Variants in CACNA2D1 observed in about 807,000 individuals in gnomAD.
CACNA2D1 encodes voltage-dependent calcium channel subunit alpha-2/delta-1.
CACNA2D1 carries 53 observed loss-of-function variants against 171.5 expected under a neutral mutation model. That is an observed-to-expected ratio of 0.31 (90% CI 0.25 to 0.39). The LOEUF (loss-of-function observed/expected upper bound fraction) is 0.39, where lower values mean the gene tolerates loss of function less well. CACNA2D1 is among the 10% of genes least tolerant of loss of function. The pLI is 1.00. For synonymous variants in CACNA2D1, 442 were observed against 443.1 expected (o/e 1.00, Z 0.03); for missense variants, 903 against 1,299.8 (o/e 0.69, Z 4.69).
At chr7:81,976,590 C>T (rs976906165) in intron 24 of CACNA2D1, among the ~76,000 whole-genome samples, 1 of 152,160 alleles carries the variant, frequency 6.6e-6, no homozygotes, top group Non-Finnish European at 1.5e-5. Flanking sequence ...CACAGTGGCT[C>T]GCGCCCATAA....
In CACNA2D1 at chr7:82,335,208, T is replaced by G. The variant is rs767099164; in HGVS notation, c.221A>C (p.Asn74Thr). 2 of 1,613,194 alleles carry G rather than the reference T, an allele frequency of 1.2e-6. No individual in the cohort carries two copies. Among genetic ancestry groups the G allele is most frequent in the South Asian group, 2.2e-5 (2 of 91,060 alleles). The change falls in exon 3 of 39, where the codon AAT becomes ACT. Residue 74 changes from asparagine to threonine, a missense_variant. This residue lies in a region of CACNA2D1 where 189 missense variants were observed against 266.8 expected (regional missense o/e 0.71). Transcript: ENST00000356860. ...YQDLYTVEPN[N>T]ARQLVEIAAR... ...TGCAATTTCTACCAGCTGGCGTGCA[T>G]TATTTGGTTCCACAGTATACAAATC... is the stretch of plus-strand genomic sequence containing the variant.
intron 38 of CACNA2D1, among the ~76,000 whole-genome samples, chr7:81,956,800 T>TACATCATGATGATTCCAGAGCATTAG (rs1189154558): frequency 6.6e-6 from 1 of 152,050 alleles, no homozygotes; most frequent in Non-Finnish European, 1.5e-5. Context: ...GCTCTAGTAA[T>TACATCATGATGATTCCAGAGCATTAG]ACATCATGAT....
intron 1 of CACNA2D1, among the ~76,000 whole-genome samples, chr7:82,439,373 T>C (rs1830328938): frequency 6.6e-6 from 1 of 151,988 alleles, no homozygotes; most frequent in African/African-American, 2.4e-5. Flanking sequence ...GTTTTATCAA[T>C]GTTGGAGAAA....
intron 32 of CACNA2D1, among the ~76,000 whole-genome samples, 157 bp downstream of exon 32, chr7:81,965,437 T>G (rs1379488321): frequency 1.3e-5 from 2 of 151,952 alleles, no homozygotes; most frequent in Non-Finnish European, 2.9e-5. Context: ...TAGCATGCAT[T>G]TCTTAATGGT....
At chr7:82,033,132 T>A (rs1802914688) in intron 11 of CACNA2D1, 2 of 420,058 alleles carry the variant, frequency 4.8e-6, no homozygotes, top group Admixed American at 3.6e-5. Context: ...CAGTCTTTGA[T>A]CATACGCCAC....
At chr7:82,398,467 C>T (rs952545023) in intron 1 of CACNA2D1, among the ~76,000 whole-genome samples, 1 of 152,180 alleles carries the variant, frequency 6.6e-6, no homozygotes, top group Non-Finnish European at 1.5e-5. Flanking sequence ...AACATATCCA[C>T]AGAATTGAAA....
rs12176604 is a variant in CACNA2D1, at chr7:82,006,434, G to A, written c.1441-595C>T. The stretch of plus-strand genomic sequence containing the variant: ...TTAGGTGCAAGTAGAGGAGGCTTGT[G>A]GCAAACTGCTATCATAATCTTCTAT... On this transcript the variant is annotated intron_variant, in intron 16 of 38. Coordinates refer to ENST00000356860, the MANE Select transcript of CACNA2D1 (RefSeq NM_000722.4). 1.4e-3 allele frequency among the ~76,000 whole-genome samples: 210 copies of A among 151,976 alleles called. 7 individuals are homozygous for A. In the East Asian group the frequency reaches 0.039, roughly 28 times the overall value.
chr7:81,983,122 T>C (rs1034398382), intron 23 of CACNA2D1, among the ~76,000 whole-genome samples, 192 bp downstream of exon 23: 45 of 152,298 alleles, frequency 3.0e-4, no homozygotes, highest in African/African-American at 1.1e-3. Flanking sequence ...AAAACTTGAA[T>C]GTGAACCAGC....
intron 3 of CACNA2D1, among the ~76,000 whole-genome samples, chr7:82,308,600 A>T (rs916492654): frequency 6.6e-6 from 1 of 152,194 alleles, no homozygotes; most frequent in Non-Finnish European, 1.5e-5. Context: ...ACTTCTTGTA[A>T]AAAAGATTTA....
Position 82,116,979 on chromosome 7 carries a change from A to G in CACNA2D1, c.526+65T>C, listed in dbSNP as rs75609676. 8.4e-3 allele frequency: 13,199 copies of G among 1,567,572 alleles called. 81 individuals carry two copies. Among genetic ancestry groups the G allele is most frequent in the Non-Finnish European group, 0.01 (11,461 of 1,138,468 alleles). ...ATTTGCTCTTTTTTTTCCCCCTCAA[A>G]CATGGGAAACATAAGACAGGCGAGA... is the stretch of plus-strand genomic sequence containing the variant. On this transcript the variant is annotated intron_variant, in intron 6 of 38. Transcript: ENST00000356860.
At chr7:82,018,475 C>T (rs1043960827) in intron 12 of CACNA2D1, among the ~76,000 whole-genome samples, 11 of 152,090 alleles carry the variant, frequency 7.2e-5, no homozygotes, top group Admixed American at 1.3e-4. Context: ...TTTCACTATA[C>T]TTACATCATC....
At chr7:81,962,594 G>T (rs1395031487) in intron 34 of CACNA2D1, 99 bp from the exon 35 acceptor site, 3 of 756,920 alleles carry the variant, frequency 4.0e-6, no homozygotes, top group East Asian at 2.7e-5. Flanking sequence ...ATCTTTTTGG[G>T]AAAGAAAGTC....
chr7:82,200,483 T>C (rs893497193), intron 3 of CACNA2D1, among the ~76,000 whole-genome samples: 2 of 152,168 alleles, frequency 1.3e-5, no homozygotes, highest in Admixed American at 1.3e-4. Context: ...AATATAGCAA[T>C]TGAATTTAGC....
At chr7:82,088,073 T>G (rs2129015246) in intron 6 of CACNA2D1, among the ~76,000 whole-genome samples, 1 of 152,288 alleles carries the variant, frequency 6.6e-6, no homozygotes, top group South Asian at 2.1e-4. Flanking sequence ...AGAGTTTATT[T>G]AGGAAGTTTT....
At chr7:82,128,818 CT>C (rs1332593229) in intron 5 of CACNA2D1, among the ~76,000 whole-genome samples, 1 of 151,998 alleles carries the variant, frequency 6.6e-6, no homozygotes, top group Non-Finnish European at 1.5e-5. Flanking sequence ...CCATACTCCC[CT>C]CCCCTGCCCC....
chr7:82,280,980 G>T (rs1421920047), intron 3 of CACNA2D1, among the ~76,000 whole-genome samples: 1 of 152,158 alleles, frequency 6.6e-6, no homozygotes, highest in Non-Finnish European at 1.5e-5. Flanking sequence ...TCCTTTAGCT[G>T]CAAGTAACTG....
At chr7:81,959,232 C>A (rs921068365) in intron 38 of CACNA2D1, 43 bp downstream of exon 38, 6 of 1,316,710 alleles carry the variant, frequency 4.6e-6, no homozygotes, top group Non-Finnish European at 5.5e-6. Flanking sequence ...GGACAGTGAC[C>A]ATTAATTTAT....
chr7:82,225,700 T>A (rs777426967), intron 3 of CACNA2D1, among the ~76,000 whole-genome samples: 8 of 149,096 alleles, frequency 5.4e-5, no homozygotes, highest in Non-Finnish European at 7.4e-5. Context: ...TCCTACTACC[T>A]AGAGGAATGT....
chr7:82,105,062 T>A (rs1787575408), intron 6 of CACNA2D1, among the ~76,000 whole-genome samples: 1 of 151,998 alleles, frequency 6.6e-6, no homozygotes. Context: ...TAGAATTAAG[T>A]CCGATGAAAA....
Sources: allele counts gnomAD v4.1 joint callset (sites outside exome capture counted in the v4.1 genomes callset), GRCh38; gene constraint gnomAD v4.1.1; regional missense constraint gnomAD v4.1.1; transcripts MANE v1.5; gene names NCBI Gene and HGNC (gene_info 2026-07-23, HGNC 2026-07-21).